The following SAMMSON variants were observed in gnomAD, a reference collection of about 807,000 sequenced individuals.
SAMMSON encodes survival associated mitochondrial melanoma specific oncogenic non-coding RNA.
intron 7 of SAMMSON, chr3:70,332,601 T>C (rs1265012663): frequency 1.3e-5 from 2 of 151,854 alleles, no homozygotes; most frequent in Non-Finnish European, 2.9e-5. Context: ...CAGGAAAATT[T>C]GGTTTTTTTT....
intron 3 of SAMMSON, among the ~76,000 whole-genome samples, chr3:70,019,528 C>T (rs891653392): frequency 6.6e-6 from 1 of 152,162 alleles, no homozygotes; most frequent in African/African-American, 2.4e-5. Flanking sequence ...GGTCTTGACT[C>T]TTTATCCAAT....
intron 6 of SAMMSON, among the ~76,000 whole-genome samples, chr3:70,281,449 C>T (rs1461765980): frequency 6.6e-6 from 1 of 152,126 alleles, no homozygotes; most frequent in Admixed American, 6.6e-5. Context: ...GGCAAGTAAT[C>T]GTGAACAGGC....
At chr3:70,403,240 C>A (rs1053100759) in intron 2 of SAMMSON, among the ~76,000 whole-genome samples, 1 of 152,148 alleles carries the variant, frequency 6.6e-6, no homozygotes. Context: ...TGTCCTGCCT[C>A]AGTTTACAGC....
intron 3 of SAMMSON, among the ~76,000 whole-genome samples, chr3:70,039,197 C>G (rs2067097107): frequency 6.6e-6 from 1 of 152,088 alleles, no homozygotes; most frequent in Admixed American, 6.6e-5. Flanking sequence ...AATCTTGTCT[C>G]CATTAGTTAT....
intron 9 of SAMMSON, among the ~76,000 whole-genome samples, chr3:70,365,520 T>G (rs1347540970): frequency 6.6e-6 from 1 of 151,818 alleles, no homozygotes; most frequent in African/African-American, 2.4e-5. Context: ...TCCCCATTTC[T>G]TATCTGTAAA....
At chr3:70,192,568 A>T (rs1327127928) in intron 4 of SAMMSON, among the ~76,000 whole-genome samples, 1 of 151,892 alleles carries the variant, frequency 6.6e-6, no homozygotes, top group Non-Finnish European at 1.5e-5. Context: ...AAGATAAACA[A>T]CCCCTACTCT....
chr3:70,043,901 G>A (rs1027690522), intron 3 of SAMMSON, among the ~76,000 whole-genome samples: 3 of 151,840 alleles, frequency 2.0e-5, no homozygotes, highest in African/African-American at 7.3e-5. Flanking sequence ...GTGAATAGCT[G>A]TAGTATTATT....
At chr3:70,371,599 T>G (rs555868674) in intron 9 of SAMMSON, among the ~76,000 whole-genome samples, 111 of 152,252 alleles carry the variant, frequency 7.3e-4, no homozygotes, top group African/African-American at 2.5e-3. Context: ...TTTTAATAGC[T>G]ATTGTAAATG....
chr3:70,030,918 A>G (rs1368390215), intron 3 of SAMMSON, among the ~76,000 whole-genome samples: 2 of 152,202 alleles, frequency 1.3e-5, no homozygotes, highest in Non-Finnish European at 2.9e-5. Context: ...AAAGATACAG[A>G]GAAATTGGAA....
intron 2 of SAMMSON, among the ~76,000 whole-genome samples, chr3:70,431,807 A>G (rs1470715586): frequency 6.6e-6 from 1 of 152,034 alleles, no homozygotes; most frequent in Non-Finnish European, 1.5e-5. Context: ...AGTTATATAT[A>G]TTTGGATTTC....
At chr3:70,207,395 C>A (rs1701303022) in intron 4 of SAMMSON, among the ~76,000 whole-genome samples, 1 of 151,982 alleles carries the variant, frequency 6.6e-6, no homozygotes, top group African/African-American at 2.4e-5. Context: ...GGATATGCTT[C>A]TTGGGAACAT....
chr3:70,036,184 C>G (rs930331544), intron 3 of SAMMSON, among the ~76,000 whole-genome samples: 2 of 152,056 alleles, frequency 1.3e-5, no homozygotes, highest in Non-Finnish European at 2.9e-5. Context: ...GGCCAATAGT[C>G]CCACACTTTC....
chr3:70,058,554 T>C (rs1422680838), intron 3 of SAMMSON, among the ~76,000 whole-genome samples: 1 of 152,112 alleles, frequency 6.6e-6, no homozygotes, highest in Non-Finnish European at 1.5e-5. Flanking sequence ...CTGTGCTGGC[T>C]TTGTAGCCAC....
intron 3 of SAMMSON, among the ~76,000 whole-genome samples, chr3:70,023,321 C>T (rs1012865190): frequency 2.6e-5 from 4 of 151,684 alleles, no homozygotes; most frequent in South Asian, 2.1e-4. Context: ...ATTAGCCAGG[C>T]GTGGTGGCAG....
rs544932021 is a variant in SAMMSON at position 70,141,778 on chromosome 3, A to G, written n.507+70213A>G. ...CAGCTGAAGACACTGAAACTCAGAG[A>G]TGTTAAGTGACCTCCCTGAAGACAA... is the stretch of plus-strand genomic sequence containing the variant. On this transcript the variant is annotated intron_variant and non_coding_transcript_variant, in intron 4 of 9. Coordinates refer to ENST00000642114, the Ensembl canonical transcript of SAMMSON. 1.2e-4 allele frequency among the ~76,000 whole-genome samples: 18 copies of G among 152,202 alleles called. No homozygotes were observed. In the East Asian group the frequency reaches 3.5e-3, roughly 29 times the overall value.
intron 4 of SAMMSON, among the ~76,000 whole-genome samples, chr3:70,168,993 A>G (rs747927081): frequency 3.9e-5 from 6 of 151,928 alleles, no homozygotes; most frequent in Non-Finnish European, 5.9e-5. Context: ...TGCTCTCCTA[A>G]TAGAAACAAG....
intron 4 of SAMMSON, among the ~76,000 whole-genome samples, chr3:70,103,972 A>G (rs1030557739): frequency 6.7e-6 from 1 of 149,912 alleles, no homozygotes; most frequent in Non-Finnish European, 1.5e-5. Flanking sequence ...AAGTTTCAGC[A>G]TGTTCTATTG....
chr3:70,053,784 G>A (rs1250808080), intron 3 of SAMMSON, among the ~76,000 whole-genome samples: 2 of 151,888 alleles, frequency 1.3e-5, no homozygotes, highest in African/African-American at 4.8e-5. Context: ...AACACTGCTG[G>A]GAATTATGCA....
At chr3:70,240,767 C>T (rs1274134946) in intron 4 of SAMMSON, among the ~76,000 whole-genome samples, 2 of 152,066 alleles carry the variant, frequency 1.3e-5, no homozygotes, top group Non-Finnish European at 2.9e-5. Context: ...AAGCAAGCCA[C>T]AAGTCTGAGT....
Sources: gnomAD v4.1 joint callset for allele counts (sites outside exome capture counted in the v4.1 genomes callset) on GRCh38, gnomAD v4.1.1 for gene constraint, MANE v1.5 for transcripts, NCBI Gene and HGNC (gene_info 2026-07-23, HGNC 2026-07-21) for gene names.